The following RSU1 variants were observed in gnomAD, a reference collection of about 807,000 sequenced individuals.
RSU1 encodes Ras suppressor protein 1, also known as rsu-1.
RSU1 carries 26 observed loss-of-function variants against 31.1 expected under a neutral mutation model. The ratio of observed to expected loss-of-function variants is 0.84; its 90% CI spans 0.61 to 1.16. The LOEUF (loss-of-function observed/expected upper bound fraction) is 1.16. Ranked by LOEUF, RSU1 falls within the 50% of genes most tolerant of loss-of-function variation. The pLI, the probability that RSU1 is intolerant of heterozygous loss-of-function variation, is 0.00. For missense variants in RSU1, 320 were observed against 339.1 expected (o/e 0.94, Z 0.44); for synonymous variants, 164 against 136.3 (o/e 1.20, Z -1.41).
At chr10:16,595,196 G>A (rs967713147) in intron 8 of RSU1, among the ~76,000 whole-genome samples, 7 of 152,214 alleles carry the variant, frequency 4.6e-5, no homozygotes, top group Non-Finnish European at 5.9e-5. Context: ...TTACAGGGAT[G>A]AGCCACTGTG....
At chr10:16,620,298 G>T (rs536896132) in intron 8 of RSU1, among the ~76,000 whole-genome samples, 1 of 152,270 alleles carries the variant, frequency 6.6e-6, no homozygotes, top group Non-Finnish European at 1.5e-5. Context: ...GTCAATAGTG[G>T]ATGATAGTGA....
intron 2 of RSU1, among the ~76,000 whole-genome samples, chr10:16,790,753 G>A (rs891240030): frequency 6.6e-6 from 1 of 152,278 alleles, no homozygotes; most frequent in Admixed American, 6.5e-5. Flanking sequence ...TCATGATGGT[G>A]AGTGAGTTCT....
intron 7 of RSU1, among the ~76,000 whole-genome samples, chr10:16,706,252 C>T (rs1389561127): frequency 6.6e-6 from 1 of 152,196 alleles, no homozygotes; most frequent in Admixed American, 6.5e-5. Flanking sequence ...GGTTCCCAAC[C>T]TCATCTTTTT....
At chr10:16,726,185 A>T (rs114406778) in intron 7 of RSU1, among the ~76,000 whole-genome samples, 1,897 of 151,782 alleles carry the variant, frequency 0.012, 38 homozygotes, top group African/African-American at 0.043. Context: ...TCAAATTTAC[A>T]TTTAAAAATA....
intron 8 of RSU1, among the ~76,000 whole-genome samples, chr10:16,596,271 C>T (rs1833610894): frequency 6.6e-6 from 1 of 151,910 alleles, no homozygotes; most frequent in East Asian, 1.9e-4. Flanking sequence ...TAAGGACCAC[C>T]CTGCATTAGC....
chr10:16,800,782 G>A (rs1284087454), intron 2 of RSU1, among the ~76,000 whole-genome samples: 1 of 152,106 alleles, frequency 6.6e-6, no homozygotes, highest in African/African-American at 2.4e-5. Context: ...AATGTATATT[G>A]CAAACTCTAG....
intron 8 of RSU1, among the ~76,000 whole-genome samples, chr10:16,609,312 G>T (rs374221671): frequency 1.3e-5 from 2 of 152,340 alleles, no homozygotes; most frequent in East Asian, 3.9e-4. Context: ...CTAGGGGAGA[G>T]CCTTAGCTGC....
In RSU1 at chr10:16,763,288, C is replaced by T. The variant is rs540264939; in HGVS notation, c.281+1102G>A. ...GTAACTTACAAGAAAAGAGGTTTAA[C>T]CGACTCGTGGTTCTACCGGCTGTAT... On this transcript the variant is annotated intron_variant, in intron 4 of 8. Coordinates refer to ENST00000345264, the MANE Select transcript of RSU1 (RefSeq NM_012425.4). Among the ~76,000 whole-genome samples the T allele has an allele frequency of 9.2e-5, 14 of 152,254 alleles. No homozygotes were observed. In the South Asian group the frequency reaches 2.9e-3, roughly 32 times the overall value.
rs908913634 is a variant in RSU1 at position 16,688,168 on chromosome 10, A to G, written c.731+6855T>C. 4.6e-5 allele frequency among the ~76,000 whole-genome samples: 7 copies of G among 152,210 alleles called. No individual in the cohort carries two copies. The South Asian group carries it at 6.2e-4, about 14-fold the overall frequency. ...AGATGTGACACAATATACCCCAAAT[A>G]TATTATATGGGTTTCCCTTTTCTCT... On this transcript the variant is annotated intron_variant, in intron 8 of 8. Coordinates refer to ENST00000345264, the MANE Select transcript of RSU1 (RefSeq NM_012425.4).
intron 3 of RSU1, among the ~76,000 whole-genome samples, chr10:16,772,156 A>G (rs1416425795): frequency 6.6e-6 from 1 of 152,216 alleles, no homozygotes; most frequent in Non-Finnish European, 1.5e-5. Context: ...TGAAAAATCA[A>G]TTACGTGAAA....
At chr10:16,752,274 C>T (rs1836994390) in intron 7 of RSU1, among the ~76,000 whole-genome samples, 1 of 152,222 alleles carries the variant, frequency 6.6e-6, no homozygotes, top group South Asian at 2.1e-4. Flanking sequence ...TTTCCCACTA[C>T]ATCACGCAGG....
intron 7 of RSU1, among the ~76,000 whole-genome samples, chr10:16,732,439 G>A (rs529970301): frequency 1.3e-4 from 20 of 152,242 alleles, no homozygotes; most frequent in Admixed American, 3.9e-4. Flanking sequence ...TATAAGAACA[G>A]ACACAAGAAA....
chr10:16,681,445 C>T (rs1416487306), intron 8 of RSU1, among the ~76,000 whole-genome samples: 1 of 152,060 alleles, frequency 6.6e-6, no homozygotes, highest in African/African-American at 2.4e-5. Flanking sequence ...GTAATTTTAT[C>T]TTGGATCCAT....
chr10:16,686,454 T>C (rs6602146), intron 8 of RSU1, among the ~76,000 whole-genome samples: 78,788 of 151,916 alleles, frequency 0.52, 20,702 homozygotes, highest in Middle Eastern at 0.62. Context: ...ATCAAATGAA[T>C]AGCATCCAAA....
At chr10:16,632,291 A>G (rs113493225) in intron 8 of RSU1, among the ~76,000 whole-genome samples, 422 of 152,336 alleles carry the variant, frequency 2.8e-3, no homozygotes, top group African/African-American at 9.6e-3. Context: ...AAACTACAGC[A>G]AAGAAATTGC....
chr10:16,631,858 C>A (rs1445426465), intron 8 of RSU1, among the ~76,000 whole-genome samples: 1 of 152,090 alleles, frequency 6.6e-6, no homozygotes, highest in East Asian at 1.9e-4. Flanking sequence ...GAGGGGGCAC[C>A]CCAGAAATGT....
chr10:16,713,805 C>T (rs1836070194), intron 7 of RSU1, among the ~76,000 whole-genome samples: 1 of 152,066 alleles, frequency 6.6e-6, no homozygotes, highest in African/African-American at 2.4e-5. Context: ...GGAATAGTGA[C>T]CCTTTCCAGG....
chr10:16,600,093 G>A (rs1564281803), intron 8 of RSU1, among the ~76,000 whole-genome samples: 11 of 152,222 alleles, frequency 7.2e-5, no homozygotes. Context: ...AGTGACACAA[G>A]AGGATCAGTT....
chr10:16,619,972 CA>C (rs1564288229), intron 8 of RSU1, among the ~76,000 whole-genome samples: 2 of 152,122 alleles, frequency 1.3e-5, no homozygotes, highest in Admixed American at 6.5e-5. Context: ...CAGGTTTATA[CA>C]TTTATATAAA....
Sources: gnomAD v4.1 joint callset for allele counts (sites outside exome capture counted in the v4.1 genomes callset) on GRCh38, gnomAD v4.1.1 for gene constraint, MANE v1.5 for transcripts, NCBI Gene and HGNC (gene_info 2026-07-23, HGNC 2026-07-21) for gene names.